The following FAM83F variants were observed in gnomAD, a reference collection of about 807,000 sequenced individuals.
FAM83F encodes the protein scaffolding CK1 anchoring protein F, also known as protein FAM83F.
In FAM83F, 45 loss-of-function variants were observed where a neutral mutation model predicts 42.9. The observed-to-expected ratio is 1.05, with a 90% CI of 0.83 to 1.35. The LOEUF is 1.35. FAM83F is among the 40% of genes most tolerant of loss of function. The pLI is 0.00. For synonymous variants in FAM83F, 306 were observed against 298.3 expected (o/e 1.03, Z -0.27); for missense variants, 617 against 695.9 (o/e 0.89, Z 1.28).
chr22:40,032,202 CT>C lies in FAM83F; in HGVS notation c.*2640del, dbSNP rs1350969811. 1 of 141,454 alleles carries C rather than the reference CT, an allele frequency of 7.1e-6. No individual in the cohort carries two copies. Among genetic ancestry groups the C allele is most frequent in the Non-Finnish European group, 1.6e-5 (1 of 64,378 alleles). The allele number at this position is 141,454 out of a possible 1,614,324, so 8.8% of individuals were successfully genotyped here. ...CCCCACACCACCACCAAGCTGCTGTCTTTCTGAGTCAGCTTCTGTAGGGTAA... is the reference window on the plus strand; with the variant it reads ...CCCCACACCACCACCAAGCTGCTGTCTTCTGAGTCAGCTTCTGTAGGGTAA... On this transcript the variant is annotated 3_prime_UTR_variant, in exon 5 of 5. Coordinates refer to ENST00000333407, the MANE Select transcript of FAM83F (RefSeq NM_138435.4).
intron 1 of FAM83F, among the ~76,000 whole-genome samples, chr22:40,010,350 C>A (rs1230383388): frequency 6.6e-6 from 1 of 152,208 alleles, no homozygotes; most frequent in African/African-American, 2.4e-5. Flanking sequence ...CACTGCGGAG[C>A]TGAATGTCAA....
At chr22:40,017,395 G>A (rs2067498216) in intron 1 of FAM83F, among the ~76,000 whole-genome samples, 2 of 151,966 alleles carry the variant, frequency 1.3e-5, no homozygotes, top group African/African-American at 2.4e-5. Context: ...ATCATGCCTG[G>A]CTAATGTTTG....
rs2067583880 is a variant in FAM83F at position 40,031,044 on chromosome 22, G to C, written c.*1479G>C. ...GAGGAGATGCAATCTCTCTGGCAGT[G>C]GGGAGGGGAAGGGAAAGGAAGGGTG... On this transcript the variant is annotated 3_prime_UTR_variant, in exon 5 of 5. Transcript: ENST00000333407. The C allele has an allele frequency of 6.6e-6, 1 of 152,274 alleles. No individual in the cohort carries two copies. Among genetic ancestry groups the C allele is most frequent in the Non-Finnish European group, 1.5e-5 (1 of 68,094 alleles). The allele number at this position is 152,274 out of a possible 1,614,324, so 9.4% of individuals were successfully genotyped here. A position where few individuals can be genotyped will look rare whatever the true frequency, so the allele number is the denominator to read the frequency against.
intron 1 of FAM83F, among the ~76,000 whole-genome samples, chr22:40,003,829 C>T (rs1021300388): frequency 4.6e-5 from 7 of 152,162 alleles, no homozygotes; most frequent in African/African-American, 1.2e-4. Context: ...ACAGCTTGCA[C>T]GCCGGTCATC....
intron 3 of FAM83F, among the ~76,000 whole-genome samples, chr22:40,020,865 G>C (rs1043352694): frequency 6.6e-6 from 1 of 152,156 alleles, no homozygotes; most frequent in Non-Finnish European, 1.5e-5. Context: ...AACCAATACA[G>C]AGTAGAATAA....
In FAM83F at chr22:40,032,465, C is replaced by T. The variant is rs1601775664; in HGVS notation, c.*2900C>T. 1.3e-5 allele frequency: 2 copies of T among 152,326 alleles called. No homozygotes were observed. The highest frequency in any genetic ancestry group is 1.5e-5 in the Non-Finnish European group (1 of 68,036). 9.4% of individuals were successfully genotyped at this position (152,326 alleles called of 1,614,324 possible). ...AGATAGCCTCTGTTAACATCACTAC[C>T]CTCTGCCTGTGTAGAACTTTATAGA... On this transcript the variant is annotated 3_prime_UTR_variant, in exon 5 of 5. Transcript: ENST00000333407.
At chr22:40,024,902 T>TTCCGGCTGGGGA (rs1569235967) in intron 4 of FAM83F, among the ~76,000 whole-genome samples, 1 of 152,184 alleles carries the variant, frequency 6.6e-6, no homozygotes, top group Non-Finnish European at 1.5e-5. Flanking sequence ...GCTTCCTCCT[T>TTCCGGCTGGGGA]TCCGGCTGGG....
intron 1 of FAM83F, among the ~76,000 whole-genome samples, chr22:40,007,639 CCTCTT>C (rs1278069756): frequency 1.0e-4 from 11 of 106,952 alleles, no homozygotes; most frequent in African/African-American, 1.9e-4. Context: ...CCTCTCCTCT[CCTCTT>C]CTCTCCTCCT....
rs1790434147 is a variant in FAM83F at position 40,031,539 on chromosome 22, C to T, written c.*1974C>T. The T allele has an allele frequency of 6.6e-6, 1 of 152,256 alleles. No homozygotes were observed. The allele number at this position is 152,256 out of a possible 1,614,324, so 9.4% of individuals were successfully genotyped here. On this transcript the variant is annotated 3_prime_UTR_variant, in exon 5 of 5. Coordinates refer to ENST00000333407, the MANE Select transcript of FAM83F (RefSeq NM_138435.4). ...TCCCTCCCCTGCCCTGACATCTAAT[C>T]TGGGAGGATCCCTGATTGGAATCTC...
rs747134916 is a variant in FAM83F at position 39,995,133 on chromosome 22, C to T, written c.91C>T (p.Arg31Trp). 2.1e-4 allele frequency: 289 copies of T among 1,373,394 alleles called. 1 individual carries two copies. The highest frequency in any genetic ancestry group is 3.8e-5 in the Admixed American group (1 of 26,298). The allele number at this position is 1,373,394 out of a possible 1,614,324, so 85.1% of individuals were successfully genotyped here. The change falls in exon 1 of 5, where the codon CGG (arginine) becomes TGG (tryptophan). Residue 31 changes from arginine (R) to tryptophan (W), a missense_variant. By Grantham distance (101) the Arg-to-Trp change is moderately radical. Transcript: ENST00000333407. This position sits in a 1 kb window ranked among gnomAD's most constrained non-coding sequence, Gnocchi z 4.6. ...GGCCGCCTTCTACTACTGCGAGCGG[C>T]GGCGGGCCGCGCTGGAGGCGCTGCT... ...AQAAFYYCER[R>W]RAALEALLGG...
chr22:40,017,753 C>T (rs2067499858), intron 1 of FAM83F, among the ~76,000 whole-genome samples: 1 of 152,210 alleles, frequency 6.6e-6, no homozygotes, highest in African/African-American at 2.4e-5. Flanking sequence ...GGACTTATTA[C>T]ATGCCAGAGG....
intron 1 of FAM83F, chr22:39,998,829 T>A (rs2067383462): frequency 6.6e-6 from 1 of 152,192 alleles, no homozygotes; most frequent in Admixed American, 6.5e-5. Context: ...CCAAAAATGA[T>A]CTCCTGACCT....
In FAM83F at chr22:40,029,854, C is replaced by T; in HGVS notation, c.*289C>T. The stretch of plus-strand genomic sequence containing the variant: ...CCAGTGTCTGCTCGCCTTTGTGCCC[C>T]ACCCCCTCCGCTGATTGCCAGATGG... On this transcript the variant is annotated 3_prime_UTR_variant, in exon 5 of 5. Transcript: ENST00000333407. The T allele has an allele frequency of 2.6e-6, 1 of 379,250 alleles. No homozygotes were observed. Among genetic ancestry groups the T allele is most frequent in the Non-Finnish European group, 4.9e-6 (1 of 205,390 alleles). 23.5% of individuals were successfully genotyped at this position (379,250 alleles called of 1,614,324 possible).
chr22:40,010,510 G>GAAAGCCAGGC (rs1569231966), intron 1 of FAM83F, among the ~76,000 whole-genome samples: 1 of 152,182 alleles, frequency 6.6e-6, no homozygotes, highest in African/African-American at 2.4e-5. Flanking sequence ...GCATCAGGGC[G>GAAAGCCAGGC]TCACAGTCCG....
Position 40,039,968 on chromosome 22 carries a change from G to T in FAM83F, c.*10403G>T, listed in dbSNP as rs1031684839. The T allele has an allele frequency of 6.6e-6, 1 of 152,344 alleles. No homozygotes were observed. The highest frequency in any genetic ancestry group is 1.5e-5 in the Non-Finnish European group (1 of 68,050). 9.4% of individuals were successfully genotyped at this position (152,344 alleles called of 1,614,324 possible). On this transcript the variant is annotated 3_prime_UTR_variant, in exon 5 of 5. Transcript: ENST00000333407. Reference sequence around the variant, plus strand: ...AGCATTCCTGGTGGTGGAGATGGCCGCAGGCCATTATTTAAAAAGCTAGGA... The same window carrying T: ...AGCATTCCTGGTGGTGGAGATGGCCTCAGGCCATTATTTAAAAAGCTAGGA...
In FAM83F at chr22:40,035,472, T is replaced by C. The variant is rs2067617265; in HGVS notation, c.*5907T>C. The C allele has an allele frequency of 6.6e-6, 1 of 152,256 alleles. No homozygotes were observed. Among genetic ancestry groups the C allele is most frequent in the Admixed American group, 6.5e-5 (1 of 15,290 alleles). 9.4% of individuals were successfully genotyped at this position (152,256 alleles called of 1,614,324 possible). ...GGAAGTGTCTTGGAAGTTAGGCGAC[T>C]GCACAGGGAAAGGTTCGCTGCAGTG... On this transcript the variant is annotated 3_prime_UTR_variant, in exon 5 of 5. Transcript: ENST00000333407.
At chr22:40,003,046 T>A (rs1197536325) in intron 1 of FAM83F, among the ~76,000 whole-genome samples, 1 of 152,124 alleles carries the variant, frequency 6.6e-6, no homozygotes, top group East Asian at 1.9e-4. Flanking sequence ...GGCCATCTCT[T>A]CCTCTAAAAC....
Position 40,029,627 on chromosome 22 carries a change from G to A in FAM83F, c.*62G>A. On this transcript the variant is annotated 3_prime_UTR_variant, in exon 5 of 5. Coordinates refer to ENST00000333407, the MANE Select transcript of FAM83F (RefSeq NM_138435.4). ...TGCCTGCCCTGCCCTGTGCTGTGGA[G>A]AGCGCAGGTCGCACACTGCACCAGT... The A allele has an allele frequency of 6.3e-7, 1 of 1,582,480 alleles. No individual in the cohort carries two copies. Among genetic ancestry groups the A allele is most frequent in the South Asian group, 1.1e-5 (1 of 87,076 alleles).
intron 1 of FAM83F, among the ~76,000 whole-genome samples, chr22:40,002,223 G>T (rs1342238317): frequency 2.0e-5 from 3 of 152,190 alleles, no homozygotes; most frequent in African/African-American, 7.2e-5. Flanking sequence ...CACAGGCCCA[G>T]CCCAGAGAGC....
Sources: allele counts gnomAD v4.1 joint callset (sites outside exome capture counted in the v4.1 genomes callset), GRCh38; gene constraint gnomAD v4.1.1; non-coding constraint Gnocchi (gnomAD v3.1); transcripts MANE v1.5; gene names NCBI Gene and HGNC (gene_info 2026-07-23, HGNC 2026-07-21).